Variants in RANBP2 observed in about 807,000 individuals in gnomAD.
RANBP2 encodes the protein E3 SUMO-protein ligase RanBP2.
A neutral mutation model predicts 303.6 loss-of-function variants in RANBP2; 57 were observed. That is an observed-to-expected ratio of 0.19 (90% confidence interval 0.15 to 0.23). RANBP2 has a LOEUF of 0.23. RANBP2 is among the 10% of genes least tolerant of loss of function. The pLI is 1.00. For missense variants in RANBP2, 3,138 were observed against 3,780.8 expected, an observed-to-expected ratio of 0.83 and a Z score of 4.46; for synonymous variants, 1,167 against 1,301.5, an observed-to-expected ratio of 0.90 and a Z score of 2.23.
At chr2:109,034,538 G>A in the RANBP2 span, among the ~76,000 whole-genome samples, 1 of 152,152 alleles carries the variant, frequency 6.6e-6, no homozygotes, top group African/African-American at 2.4e-5. Flanking sequence ...CAGGCAGAGG[G>A]AGGCACAGTG....
At chr2:109,333,040 C>T in the RANBP2 span, among the ~76,000 whole-genome samples, 3,603 of 152,350 alleles carry the variant, frequency 0.024, 78 homozygotes, top group Non-Finnish European at 0.032. Flanking sequence ...ATTGGGAATG[C>T]GCGTGAGTGC....
chr2:109,589,182 A>T, the RANBP2 span, among the ~76,000 whole-genome samples: 3 of 151,748 alleles, frequency 2.0e-5, no homozygotes, highest in Non-Finnish European at 4.4e-5. Flanking sequence ...TCACTCTGTC[A>T]CCCAGGCTGG....
In RANBP2 at chr2:108,784,835, T is replaced by TTCTAG. The variant is rs2308203; in HGVS notation, c.*938_*939insGTCTA. On this transcript the variant is annotated 3_prime_UTR_variant, in exon 29 of 29. Coordinates refer to ENST00000283195, the MANE Select transcript of RANBP2 (RefSeq NM_006267.5). ...ATTCATTACTTACGCTTCGGGTTCATTCTAAAGTAAGGAAGACAATTTAAA... is the reference window on the plus strand; with the variant it reads ...ATTCATTACTTACGCTTCGGGTTCATTCTAGTCTAAAGTAAGGAAGACAATTTAAA... 0.37 allele frequency: 55,578 copies of TTCTAG among 152,218 alleles called. 13,644 individuals are homozygous for TTCTAG. Among genetic ancestry groups the TTCTAG allele is most frequent in the African/African-American group, 0.7 (29,066 of 41,298 alleles). The allele number at this position is 152,218 out of a possible 1,614,324, so 9.4% of individuals were successfully genotyped here. A position where few individuals can be genotyped will look rare whatever the true frequency, so the allele number is the denominator to read the frequency against.
the RANBP2 span, among the ~76,000 whole-genome samples, chr2:109,171,538 C>T: frequency 1.1e-4 from 16 of 152,244 alleles, no homozygotes; most frequent in Non-Finnish European, 1.5e-4. Context: ...GCTTCGCCCG[C>T]GGCGGGCCAG....
At chr2:109,303,604 C>T in the RANBP2 span, among the ~76,000 whole-genome samples, 30 of 152,316 alleles carry the variant, frequency 2.0e-4, no homozygotes, top group Admixed American at 4.6e-4. Context: ...GGCCGCCACA[C>T]GGGCTGGCGA....
At chr2:109,034,920 TAC>T in the RANBP2 span, among the ~76,000 whole-genome samples, 1 of 152,060 alleles carries the variant, frequency 6.6e-6, no homozygotes, top group African/African-American at 2.4e-5. Flanking sequence ...TGGGAAATAT[TAC>T]AGAGAAGTGA....
chr2:109,141,983 G>C, the RANBP2 span, among the ~76,000 whole-genome samples: 17 of 152,002 alleles, frequency 1.1e-4, no homozygotes, highest in Admixed American at 1.3e-4. Context: ...ACCTCCTCTG[G>C]TGTGTGGCCA....
At chr2:108,936,629 C>T in the RANBP2 span, among the ~76,000 whole-genome samples, 2 of 152,188 alleles carry the variant, frequency 1.3e-5, no homozygotes, top group Non-Finnish European at 2.9e-5. Context: ...CCCCACTTCC[C>T]ATCAACCCAG....
intron 6 of RANBP2, among the ~76,000 whole-genome samples, chr2:108,738,225 G>A (rs1277427023): frequency 5.3e-5 from 8 of 150,236 alleles, no homozygotes; most frequent in South Asian, 2.1e-4. Context: ...ACAGGTGCCC[G>A]CCACCACACC....
At chr2:109,620,970 G>A in the RANBP2 span, among the ~76,000 whole-genome samples, 1 of 152,172 alleles carries the variant, frequency 6.6e-6, no homozygotes, top group Non-Finnish European at 1.5e-5. Context: ...GGTTGCATGA[G>A]CACCTGAAAA....
At chr2:108,747,707 G>C (rs952777492) in intron 8 of RANBP2, among the ~76,000 whole-genome samples, 1 of 152,124 alleles carries the variant, frequency 6.6e-6, no homozygotes, top group South Asian at 2.1e-4. Flanking sequence ...GGGTGCCTCT[G>C]TAAGTGTGCT....
At chr2:108,907,768 G>T in the RANBP2 span, 1 of 1,461,508 alleles carries the variant, frequency 6.8e-7, no homozygotes, top group Non-Finnish European at 9.6e-7. Flanking sequence ...ACCCCGTCTT[G>T]CAGGAGAGCT....
the RANBP2 span, among the ~76,000 whole-genome samples, chr2:108,911,703 CTAAAA>C: frequency 6.6e-6 from 1 of 152,156 alleles, no homozygotes; most frequent in Admixed American, 6.5e-5. Flanking sequence ...TTCTCATTCT[CTAAAA>C]TAACCAAACA....
chr2:109,419,464 C>T, the RANBP2 span: 13 of 1,442,486 alleles, frequency 9.0e-6, no homozygotes, highest in Non-Finnish European at 1.2e-5. Flanking sequence ...GTGGATGCAG[C>T]CTCATTTTGC....
At chr2:108,962,697 A>AG in the RANBP2 span, among the ~76,000 whole-genome samples, 1 of 114,140 alleles carries the variant, frequency 8.8e-6, no homozygotes, top group African/African-American at 2.8e-5. Context: ...AAAAAAAAAA[A>AG]AAAAGAGAGA....
At chr2:108,973,462 T>A in the RANBP2 span, among the ~76,000 whole-genome samples, 1 of 152,138 alleles carries the variant, frequency 6.6e-6, no homozygotes, top group Non-Finnish European at 1.5e-5. Context: ...CCTTCATTTC[T>A]CCTGCTTTCC....
the RANBP2 span, among the ~76,000 whole-genome samples, chr2:109,046,194 C>T: frequency 6.6e-6 from 1 of 150,896 alleles, no homozygotes; most frequent in Non-Finnish European, 1.5e-5. Flanking sequence ...GTCCCAGCTA[C>T]TCGGGAGGCT....
At chr2:108,873,631 C>T in the RANBP2 span, 16 of 1,406,652 alleles carry the variant, frequency 1.1e-5, no homozygotes, top group Non-Finnish European at 1.4e-5. Context: ...TGAAAAATAC[C>T]TTACTGTGAT....
the RANBP2 span, among the ~76,000 whole-genome samples, chr2:109,440,159 C>G: frequency 6.6e-6 from 1 of 152,172 alleles, no homozygotes; most frequent in Non-Finnish European, 1.5e-5. Flanking sequence ...TGAAGCAAAG[C>G]TATGGAAGAA....
Sources: gnomAD v4.1 joint callset for allele counts (sites outside exome capture counted in the v4.1 genomes callset) on GRCh38, gnomAD v4.1.1 for gene constraint, MANE v1.5 for transcripts, NCBI Gene and HGNC (gene_info 2026-07-23, HGNC 2026-07-21) for gene names.